PHACTR3: variants seen among roughly 807,000 people sequenced by gnomAD.
PHACTR3 encodes protein phosphatase 1, regulatory subunit 123.
In PHACTR3, 16 loss-of-function variants were observed where a neutral mutation model predicts 66.8. The ratio of observed to expected loss-of-function variants is 0.24; its 90% CI spans 0.16 to 0.36. The LOEUF (loss-of-function observed/expected upper bound fraction) is 0.36. Among genes scored for constraint, PHACTR3 ranks in the 10% least tolerant of loss-of-function variants. PHACTR3 has a pLI of 1.00. For synonymous variants in PHACTR3, 323 were observed against 292.1 expected, an observed-to-expected ratio of 1.11 and a Z score of -1.08; for missense variants, 647 against 719.9, an observed-to-expected ratio of 0.90 and a Z score of 1.16.
chr20:59,658,435 T>G (rs1220055270), intron 1 of PHACTR3, among the ~76,000 whole-genome samples: 1 of 152,100 alleles, frequency 6.6e-6, no homozygotes, highest in Non-Finnish European at 1.5e-5. Context: ...CTCTGGATAC[T>G]TGTTTTCTTT....
chr20:59,793,757 C>T (rs185211603), intron 7 of PHACTR3, among the ~76,000 whole-genome samples: 1 of 151,566 alleles, frequency 6.6e-6, no homozygotes, highest in African/African-American at 2.4e-5. Context: ...AATTTGGATG[C>T]CTTTTTTTTT....
chr20:59,771,543 C>T (rs898362037), intron 5 of PHACTR3, among the ~76,000 whole-genome samples: 9 of 152,054 alleles, frequency 5.9e-5, no homozygotes, highest in Non-Finnish European at 8.8e-5. Context: ...TCCCCCCGAC[C>T]AGCCCAGTAC....
At chr20:59,592,314 G>A (rs770203683) in intron 1 of PHACTR3, among the ~76,000 whole-genome samples, 1 of 152,108 alleles carries the variant, frequency 6.6e-6, no homozygotes, top group Non-Finnish European at 1.5e-5. Context: ...ACCAGTGTTA[G>A]GTTCACAGCA....
At position 59,743,197 on chromosome 20, in the gene PHACTR3, C is replaced by A. The variant is rs2039236314; in HGVS notation, c.209C>A (p.Thr70Asn). Residue 70 changes from threonine to asparagine, a missense_variant, in exon 2 of 13, where the codon ACC (threonine) becomes AAC (asparagine). Coordinates refer to ENST00000371015, the MANE Select transcript of PHACTR3 (RefSeq NM_080672.5). ...GTGAGGAGGAACAGCAAACTGGCCA[C>A]CCTGGGCAGGATCTTCAAACCCTGG... is the stretch of plus-strand genomic sequence containing the variant. ...PPVRRNSKLA[T>N]LGRIFKPWKW... is the part of the protein sequence containing the mutation. The A allele has an allele frequency of 1.9e-6, 3 of 1,614,002 alleles. No homozygotes were observed. Among genetic ancestry groups the A allele is most frequent in the Non-Finnish European group, 1.7e-6 (2 of 1,179,956 alleles).
At chr20:59,648,056 G>A (rs1422855403) in intron 1 of PHACTR3, among the ~76,000 whole-genome samples, 2 of 152,182 alleles carry the variant, frequency 1.3e-5, no homozygotes, top group South Asian at 2.1e-4. Flanking sequence ...AGTTGCATAT[G>A]GCTTTAGTTG....
intron 8 of PHACTR3, among the ~76,000 whole-genome samples, chr20:59,809,192 C>T (rs189874731): frequency 2.0e-5 from 3 of 152,106 alleles, no homozygotes; most frequent in East Asian, 1.9e-4. Flanking sequence ...GGTGGAGGGC[C>T]GTGAACGTAA....
At chr20:59,775,704 G>A (rs1246504866) in intron 7 of PHACTR3, among the ~76,000 whole-genome samples, 4 of 152,168 alleles carry the variant, frequency 2.6e-5, no homozygotes, top group Non-Finnish European at 5.9e-5. Flanking sequence ...TCTCTGAAGA[G>A]GCTGGAGCCT....
chr20:59,666,442 C>T (rs1295961884), intron 1 of PHACTR3, among the ~76,000 whole-genome samples: 1 of 152,186 alleles, frequency 6.6e-6, no homozygotes, highest in Non-Finnish European at 1.5e-5. Flanking sequence ...GGCCTGGGGC[C>T]ACCATTCTGT....
At chr20:59,646,619 C>T (rs115686961) in intron 1 of PHACTR3, among the ~76,000 whole-genome samples, 108 of 152,218 alleles carry the variant, frequency 7.1e-4, no homozygotes, top group African/African-American at 1.9e-3. Context: ...GGAGTGAATC[C>T]GATTGTTCAG....
upstream of PHACTR3, among the ~76,000 whole-genome samples, chr20:59,600,906 A>G (rs1036897208): frequency 6.7e-6 from 1 of 150,370 alleles, no homozygotes; most frequent in African/African-American, 2.4e-5. Context: ...GCAGAACCCA[A>G]TCCTCCAAAT....
intron 1 of PHACTR3, among the ~76,000 whole-genome samples, chr20:59,707,993 T>C (rs1033357055): frequency 3.3e-5 from 5 of 152,258 alleles, no homozygotes; most frequent in African/African-American, 1.2e-4. Context: ...ATTTTAAATT[T>C]TCCTAACAGT....
At chr20:59,668,498 C>A (rs185525029) in intron 1 of PHACTR3, among the ~76,000 whole-genome samples, 3 of 152,142 alleles carry the variant, frequency 2.0e-5, no homozygotes, top group East Asian at 3.9e-4. Context: ...TGTGCAGATA[C>A]AGCTCCTTGC....
At chr20:59,747,577 C>G (rs997504189) in intron 2 of PHACTR3, among the ~76,000 whole-genome samples, 181 bp from the exon 3 acceptor site, 9 of 152,260 alleles carry the variant, frequency 5.9e-5, no homozygotes, top group African/African-American at 2.2e-4. Flanking sequence ...ATGCACATTG[C>G]TTAGCAGCAC....
chr20:59,595,915 T>G (rs947859005), intron 1 of PHACTR3, among the ~76,000 whole-genome samples: 7 of 152,184 alleles, frequency 4.6e-5, no homozygotes, highest in African/African-American at 1.7e-4. Flanking sequence ...TTTTTACTCT[T>G]AATTGTAAGA....
intron 1 of PHACTR3, among the ~76,000 whole-genome samples, chr20:59,712,155 G>A (rs897554178): frequency 6.6e-6 from 1 of 152,024 alleles, no homozygotes; most frequent in East Asian, 1.9e-4. Context: ...CCCTGAATCA[G>A]TTTTTTTCCC....
chr20:59,666,642 G>C (rs1219583038), intron 1 of PHACTR3, among the ~76,000 whole-genome samples: 1 of 152,122 alleles, frequency 6.6e-6, no homozygotes, highest in Non-Finnish European at 1.5e-5. Context: ...AAGAGAGAGA[G>C]AGACAAAGAC....
rs571306056 is a variant in PHACTR3, at chr20:59,694,550, G to A, written c.119-48557G>A. Among the ~76,000 whole-genome samples the A allele has an allele frequency of 1.6e-4, 25 of 151,956 alleles. No homozygotes were observed. The South Asian group carries it at 4.8e-3, about 29-fold the overall frequency. The stretch of plus-strand genomic sequence containing the variant: ...GAAGAAGGAAAGAAAGACACTGGAG[G>A]TAAACAGTTGGGAAAGAAGGAGGTG... On this transcript the variant is annotated intron_variant, in intron 1 of 12. Transcript: ENST00000371015.
At position 59,830,825 on chromosome 20, in the gene PHACTR3, G is replaced by T. The variant is rs1427636975; in HGVS notation, c.1329-5680G>T. On this transcript the variant is annotated intron_variant, in intron 8 of 12. Coordinates refer to ENST00000371015, the MANE Select transcript of PHACTR3 (RefSeq NM_080672.5). This position sits in a 1 kb window ranked among gnomAD's most constrained non-coding sequence, Gnocchi z 5.8. ...TGACGCCATCACCCAGCTGGCAGGGGTCAGAGCTGGAACTGGAATCCTAGC... is the reference window on the plus strand; with the variant it reads ...TGACGCCATCACCCAGCTGGCAGGGTTCAGAGCTGGAACTGGAATCCTAGC... 3.3e-5 allele frequency among the ~76,000 whole-genome samples: 5 copies of T among 152,158 alleles called. No individual in the cohort carries two copies. Among genetic ancestry groups the T allele is most frequent in the Non-Finnish European group, 5.9e-5 (4 of 68,024 alleles).
At chr20:59,646,437 C>CT (rs11476146) in intron 1 of PHACTR3, among the ~76,000 whole-genome samples, 1 of 151,870 alleles carries the variant, frequency 6.6e-6, no homozygotes, top group Non-Finnish European at 1.5e-5. Flanking sequence ...TCATTGTTGC[C>CT]TTTTTTTTAA....
Sources: gnomAD v4.1 joint callset for allele counts (sites outside exome capture counted in the v4.1 genomes callset) on GRCh38, gnomAD v4.1.1 for gene constraint, Gnocchi (gnomAD v3.1) non-coding constraint, MANE v1.5 for transcripts, NCBI Gene and HGNC (gene_info 2026-07-23, HGNC 2026-07-21) for gene names.